The following FUT9 variants were observed in gnomAD, a reference collection of about 807,000 sequenced individuals.
FUT9 encodes fucosyltransferase 9, also known as 4-galactosyl-N-acetylglucosaminide 3-alpha-L-fucosyltransferase 9.
FUT9 carries 15 observed loss-of-function variants against 29.7 expected under a neutral mutation model. The observed-to-expected ratio is 0.51, with a 90% CI of 0.34 to 0.78. FUT9 has a LOEUF of 0.78. FUT9 is among the 30% of genes least tolerant of loss of function. FUT9 has a pLI of 0.01. For missense variants in FUT9, 319 were observed against 425.4 expected (o/e 0.75, Z 2.20); for synonymous variants, 169 against 153.7 (o/e 1.10, Z -0.74).
chr6:96,122,768 C>G (rs1045741389), intron 2 of FUT9, among the ~76,000 whole-genome samples: 4 of 151,958 alleles, frequency 2.6e-5, no homozygotes, highest in African/African-American at 9.7e-5. Flanking sequence ...AGCTTATGGC[C>G]GGGTACGGTG....
chr6:96,060,582 G>T (rs1170427273), intron 1 of FUT9, among the ~76,000 whole-genome samples: 5 of 150,980 alleles, frequency 3.3e-5, no homozygotes, highest in African/African-American at 1.2e-4. Context: ...TGTCACCCAG[G>T]CTGGAGCACA....
At chr6:96,024,701 A>G (rs1175765813) in intron 1 of FUT9, among the ~76,000 whole-genome samples, 1 of 151,762 alleles carries the variant, frequency 6.6e-6, no homozygotes, top group East Asian at 1.9e-4. Context: ...TTCAGCATCA[A>G]GGATAGGGAA....
chr6:96,153,011 T>C (rs1280405026), intron 2 of FUT9, among the ~76,000 whole-genome samples: 3 of 152,210 alleles, frequency 2.0e-5, no homozygotes, highest in Non-Finnish European at 4.4e-5. Context: ...CAGTCCTAAA[T>C]GGACTCAGAA....
intron 2 of FUT9, among the ~76,000 whole-genome samples, chr6:96,137,175 T>A (rs1772364076): frequency 6.6e-6 from 1 of 151,880 alleles, no homozygotes; most frequent in East Asian, 1.9e-4. Flanking sequence ...TGAAGTGTTT[T>A]AAAAAGCAAA....
chr6:96,161,444 C>T (rs934315750), intron 2 of FUT9, among the ~76,000 whole-genome samples: 4 of 152,156 alleles, frequency 2.6e-5, no homozygotes, highest in African/African-American at 9.7e-5. Context: ...ATGAGCCACA[C>T]AGTTTATTAT....
At chr6:96,018,080 A>C (rs943683141) in intron 1 of FUT9, among the ~76,000 whole-genome samples, 1 of 152,204 alleles carries the variant, frequency 6.6e-6, no homozygotes, top group African/African-American at 2.4e-5. Context: ...TAGCCGCATT[A>C]AAAGTCAAGA....
intron 2 of FUT9, among the ~76,000 whole-genome samples, chr6:96,129,154 A>G (rs1333726708): frequency 1.3e-5 from 2 of 151,216 alleles, no homozygotes; most frequent in Admixed American, 6.6e-5. Context: ...AGTCCCAGCT[A>G]CTGGGGAGGC....
chr6:96,192,705 T>G (rs1300961104), intron 2 of FUT9, among the ~76,000 whole-genome samples: 4 of 152,046 alleles, frequency 2.6e-5, no homozygotes, highest in African/African-American at 9.6e-5. Flanking sequence ...AAAACTACTT[T>G]AAAGTTCATA....
At chr6:96,153,963 C>T (rs1215793336) in intron 2 of FUT9, among the ~76,000 whole-genome samples, 1 of 152,154 alleles carries the variant, frequency 6.6e-6, no homozygotes, top group Non-Finnish European at 1.5e-5. Flanking sequence ...CTATATTTAT[C>T]TTTTGTTTCT....
At chr6:96,146,262 G>C (rs1162864392) in intron 2 of FUT9, among the ~76,000 whole-genome samples, 1 of 152,134 alleles carries the variant, frequency 6.6e-6, no homozygotes, top group African/African-American at 2.4e-5. Context: ...ATGCAGCTTT[G>C]TAAAAATGAT....
intron 1 of FUT9, among the ~76,000 whole-genome samples, chr6:96,027,514 C>T (rs905836323): frequency 2.0e-5 from 3 of 151,542 alleles, no homozygotes; most frequent in South Asian, 2.1e-4. Flanking sequence ...CACCACCCCA[C>T]CTAATCATTA....
At chr6:96,088,779 T>C (rs1041215214) in intron 1 of FUT9, among the ~76,000 whole-genome samples, 2 of 152,348 alleles carry the variant, frequency 1.3e-5, no homozygotes, top group South Asian at 4.1e-4. Flanking sequence ...AGTCTATATC[T>C]AAGTATTGCT....
chr6:96,110,737 C>T (rs1771788368), intron 1 of FUT9, among the ~76,000 whole-genome samples: 1 of 152,120 alleles, frequency 6.6e-6, no homozygotes, highest in Admixed American at 6.5e-5. Flanking sequence ...TCATCTATAA[C>T]CTCAAACTCC....
At chr6:96,096,684 A>ATGTGTGTGTGTG (rs1243489757) in intron 1 of FUT9, among the ~76,000 whole-genome samples, 5,264 of 140,702 alleles carry the variant, frequency 0.037, 126 homozygotes, top group Admixed American at 0.053. Flanking sequence ...TGTCTAAGGC[A>ATGTGTGTGTGTG]TGTGTGTGTG....
At chr6:96,200,434 G>A (rs1773707730) in intron 2 of FUT9, among the ~76,000 whole-genome samples, 1 of 152,112 alleles carries the variant, frequency 6.6e-6, no homozygotes, top group African/African-American at 2.4e-5. Flanking sequence ...ACTTGTATCT[G>A]TGGCCTGCAA....
At chr6:96,034,421 A>T (rs974052394) in intron 1 of FUT9, among the ~76,000 whole-genome samples, 17 of 151,754 alleles carry the variant, frequency 1.1e-4, no homozygotes, top group African/African-American at 3.1e-4. Context: ...GGAGAAAAAA[A>T]AAGCAGAAAA....
chr6:96,048,426 G>A (rs1293780884), intron 1 of FUT9, among the ~76,000 whole-genome samples: 1 of 152,140 alleles, frequency 6.6e-6, no homozygotes, highest in Non-Finnish European at 1.5e-5. Flanking sequence ...GCCTACCACT[G>A]TTACTCAATG....
intron 2 of FUT9, among the ~76,000 whole-genome samples, chr6:96,185,857 AAT>A (rs2127987271): frequency 6.6e-6 from 1 of 152,222 alleles, no homozygotes; most frequent in East Asian, 1.9e-4. Context: ...TTAGGAATGA[AAT>A]CAGAGCAAAA....
At chr6:96,058,480 A>AAAAAAAAAG (rs1305230281) in intron 1 of FUT9, among the ~76,000 whole-genome samples, 36 of 151,420 alleles carry the variant, frequency 2.4e-4, no homozygotes, top group African/African-American at 8.0e-4. Context: ...AAAAAAAAAA[A>AAAAAAAAAG]AAAAAAGCCA....
Sources: allele counts gnomAD v4.1 joint callset (sites outside exome capture counted in the v4.1 genomes callset), GRCh38; gene constraint gnomAD v4.1.1; transcripts MANE v1.5; gene names NCBI Gene and HGNC (gene_info 2026-07-23, HGNC 2026-07-21).